The following CNTN2 variants were observed in gnomAD, a reference collection of about 807,000 sequenced individuals.
CNTN2 encodes contactin 2.
In CNTN2, 53 loss-of-function variants were observed where a neutral mutation model predicts 117.5. The observed-to-expected ratio is 0.45, with a 90% CI of 0.36 to 0.57. CNTN2 has a LOEUF of 0.57. CNTN2 is among the 20% of genes least tolerant of loss of function. The pLI is 0.00. For synonymous variants in CNTN2, 530 were observed against 561.7 expected (o/e 0.94, Z 0.80); for missense variants, 1,106 against 1,404.3 (o/e 0.79, Z 3.39).
In CNTN2 at chr1:205,065,170, G is replaced by A. The variant is rs959574033; in HGVS notation, c.1603G>A (p.Asp535Asn). ...NLTLQCHASH[D>N]PTMDLTFTWT... Reference sequence around the variant, plus strand: ...GACCCTACAGTGCCATGCCTCCCACGACCCCACCATGGACCTCACCTTCAC... The same window carrying A: ...GACCCTACAGTGCCATGCCTCCCACAACCCCACCATGGACCTCACCTTCAC... The change falls in exon 13 of 23, where the codon GAC (aspartate) becomes AAC (asparagine). Residue 535 changes from aspartate (D) to asparagine (N), a missense_variant. Coordinates refer to ENST00000331830, the MANE Select transcript of CNTN2 (RefSeq NM_005076.5). This position sits in a 1 kb window ranked among gnomAD's most constrained non-coding sequence, Gnocchi z 4.1. 5.0e-6 allele frequency: 8 copies of A among 1,613,940 alleles called. No individual in the cohort carries two copies. The highest frequency in any genetic ancestry group is 6.8e-6 in the Non-Finnish European group (8 of 1,180,012).
rs769248636 is a variant in CNTN2, at chr1:205,069,997, C to T, written c.2367C>T (p.Arg789=). Residue 789 remains arginine, a synonymous_variant, in exon 18 of 23, where the codon CGC becomes CGT. Transcript: ENST00000331830. ...RPYTPFEVKI[R]SYNRRGDGPE... is the part of the protein sequence containing the mutation. ...ACACGCCCTTTGAGGTCAAGATCCG[C>T]AGCTACAACCGCCGCGGGGATGGGC... 2 of 1,613,592 alleles carry T rather than the reference C, an allele frequency of 1.2e-6. No homozygotes were observed. Among genetic ancestry groups the T allele is most frequent in the Non-Finnish European group, 1.7e-6 (2 of 1,180,028 alleles).
chr1:205,065,192 T>C lies in CNTN2; in HGVS notation c.1625T>C (p.Phe542Ser), dbSNP rs1654213547. 1 of 1,614,078 alleles carries C rather than the reference T, an allele frequency of 6.2e-7. No individual in the cohort carries two copies. Among genetic ancestry groups the C allele is most frequent in the Non-Finnish European group, 8.5e-7 (1 of 1,179,998 alleles). The change falls in exon 13 of 23, where the codon TTC becomes TCC. Residue 542 changes from phenylalanine (F) to serine (S), a missense_variant. By Grantham distance (155) the Phe-to-Ser change is radical. Transcript: ENST00000331830. The surrounding 1 kb of genome is among the most constrained non-coding windows in gnomAD (Gnocchi z 4.1). ...ASHDPTMDLT[F>S]TWTLDDFPID... ...CACGACCCCACCATGGACCTCACCT[T>C]CACCTGGACCCTGGACGACTTCCCC...
rs772918166 is a variant in CNTN2, at chr1:205,070,012, C to T, written c.2382C>T (p.Arg794=). The T allele has an allele frequency of 1.1e-5, 18 of 1,613,846 alleles. No individual in the cohort carries two copies. The highest frequency in any genetic ancestry group is 1.4e-5 in the Non-Finnish European group (16 of 1,180,038). The part of the protein sequence containing the change: ...FEVKIRSYNR[R]GDGPESLTAL... The stretch of plus-strand genomic sequence containing the variant: ...TCAAGATCCGCAGCTACAACCGCCG[C>T]GGGGATGGGCCCGAGAGCCTCACTG... Residue 794 remains arginine (R), a synonymous_variant, in exon 18 of 23, where the codon CGC becomes CGT. Coordinates refer to ENST00000331830, the MANE Select transcript of CNTN2 (RefSeq NM_005076.5).
chr1:205,053,977 G>C (rs1454867620), intron 2 of CNTN2, among the ~76,000 whole-genome samples: 1 of 152,204 alleles, frequency 6.6e-6, no homozygotes, highest in Admixed American at 6.5e-5. Context: ...GGTGAAGAGG[G>C]CAGGCCGAGA....
At position 205,058,302 on chromosome 1, in the gene CNTN2, G is replaced by A. The variant is rs1032446046; in HGVS notation, c.337G>A (p.Ala113Thr). ...AQDAGVYQCL[A>T]SNPVGTVVSR... ...GGATGCCGGGGTCTACCAGTGCCTG[G>A]CCTCCAACCCAGTGGGCACCGTTGT... Residue 113 changes from alanine to threonine, a missense_variant, in exon 4 of 23, where the codon GCC becomes ACC. Ala to Thr is a moderately conservative substitution (Grantham distance 58, BLOSUM62 0). Transcript: ENST00000331830. This position sits in a 1 kb window ranked among gnomAD's most constrained non-coding sequence, Gnocchi z 4.3. 3 of 1,529,084 alleles carry A rather than the reference G, an allele frequency of 2.0e-6. No individual in the cohort carries two copies. The highest frequency in any genetic ancestry group is 2.6e-6 in the Non-Finnish European group (3 of 1,137,274). 94.7% of individuals were successfully genotyped at this position (1,529,084 alleles called of 1,614,324 possible). A position where few individuals can be genotyped will look rare whatever the true frequency, so the allele number is the denominator to read the frequency against.
chr1:205,058,794 C>T lies in CNTN2; in HGVS notation c.487+131C>T, dbSNP rs1466184226. On this transcript the variant is annotated intron_variant, in intron 5 of 22. Coordinates refer to ENST00000331830, the MANE Select transcript of CNTN2 (RefSeq NM_005076.5). The surrounding 1 kb of genome is among the most constrained non-coding windows in gnomAD (Gnocchi z 4.3). ...GAAGCACCCATCCCTGGGACCCTAA[C>T]TTTAAATGATCTGTGTTTCCTTTAT... is the stretch of plus-strand genomic sequence containing the variant. 4.2e-6 allele frequency: 3 copies of T among 708,942 alleles called. No homozygotes were observed. The highest frequency in any genetic ancestry group is 1.8e-5 in the African/African-American group (1 of 55,750). 43.9% of individuals were successfully genotyped at this position (708,942 alleles called of 1,614,324 possible). A position where few individuals can be genotyped will look rare whatever the true frequency, so the allele number is the denominator to read the frequency against.
At position 205,062,373 on chromosome 1, in the gene CNTN2, T is replaced by G. The variant is rs1197320665; in HGVS notation, c.1111-67T>G. ...CTAGAGTCTCCACTGCTCCCACCCC[T>G]GCCAACCCCTCCTCCCTGTGGCTCC... is the stretch of plus-strand genomic sequence containing the variant. On this transcript the variant is annotated intron_variant, in intron 9 of 22. Coordinates refer to ENST00000331830, the MANE Select transcript of CNTN2 (RefSeq NM_005076.5). 1.9e-6 allele frequency: 3 copies of G among 1,549,658 alleles called. No individual in the cohort carries two copies. The East Asian group carries it at 6.8e-5, about 35-fold the overall frequency.
At chr1:205,054,659 G>A (rs967907251) in intron 2 of CNTN2, among the ~76,000 whole-genome samples, 1 of 152,210 alleles carries the variant, frequency 6.6e-6, no homozygotes, top group East Asian at 1.9e-4. Flanking sequence ...CAAGGGGCTG[G>A]GATCTGGTCT....
rs369127731 is a variant in CNTN2 at position 205,064,396 on chromosome 1, C to G, written c.1315C>G (p.Pro439Ala). 4.5e-5 allele frequency: 72 copies of G among 1,612,310 alleles called. No individual in the cohort carries two copies. Among genetic ancestry groups the G allele is most frequent in the Non-Finnish European group, 5.6e-5 (66 of 1,178,632 alleles). The change falls in exon 11 of 23, where the codon CCC (proline) becomes GCC (alanine). Residue 439 changes from proline to alanine, a missense_variant. Physicochemically the swap from Pro to Ala is conservative, Grantham distance 27. Transcript: ENST00000331830. Reference sequence around the variant, plus strand: ...GGCCCGCGGGGGAGAGATCCTTATCCCCTGCCAGCCCCGGGCAGCTCCAAA... The same window carrying G: ...GGCCCGCGGGGGAGAGATCCTTATCGCCTGCCAGCCCCGGGCAGCTCCAAA... ...PAARGGEILI[P>A]CQPRAAPKAV...
intron 1 of CNTN2, among the ~76,000 whole-genome samples, chr1:205,047,985 G>A (rs976388856): frequency 4.7e-4 from 71 of 152,318 alleles, no homozygotes; most frequent in South Asian, 4.1e-4. Flanking sequence ...TAGCTAGACA[G>A]CAGCAGGCAG....
rs553636404 is a variant in CNTN2, at chr1:205,065,260, G to A, written c.1693G>A (p.Val565Met). The A allele has an allele frequency of 2.5e-6, 4 of 1,614,082 alleles. No homozygotes were observed. The African/African-American group carries it at 4.0e-5, about 16-fold the overall frequency. ...KPGGHYRRTN[V>M]KETIGDLTIL... ...TGGAGGGCACTACCGGAGAACTAATGTGGTGAGACCTAGGGCCAGAGCCCC... is the reference window on the plus strand; with the variant it reads ...TGGAGGGCACTACCGGAGAACTAATATGGTGAGACCTAGGGCCAGAGCCCC... Residue 565 changes from valine (V) to methionine (M), a missense_variant and splice_region_variant, in exon 13 of 23, where the codon GTG (valine) becomes ATG (methionine). By Grantham distance (21) the Val-to-Met change is conservative (BLOSUM62 1). Coordinates refer to ENST00000331830, the MANE Select transcript of CNTN2 (RefSeq NM_005076.5). The surrounding 1 kb of genome is among the most constrained non-coding windows in gnomAD (Gnocchi z 4.1).
rs1466679838 is a variant in CNTN2, at chr1:205,076,457, A to G, written c.*2692A>G. ...TCTGATTTTCGTGTTCTCTGCCCAGATGGGCTGGGGGAGTTGAGAGTGTGC... is the reference window on the plus strand; with the variant it reads ...TCTGATTTTCGTGTTCTCTGCCCAGGTGGGCTGGGGGAGTTGAGAGTGTGC... On this transcript the variant is annotated 3_prime_UTR_variant, in exon 23 of 23. Transcript: ENST00000331830. 6.6e-6 allele frequency: 1 copy of G among 152,150 alleles called. No individual in the cohort carries two copies. Among genetic ancestry groups the G allele is most frequent in the East Asian group, 1.9e-4 (1 of 5,176 alleles). 9.4% of individuals were successfully genotyped at this position (152,150 alleles called of 1,614,324 possible).
intron 20 of CNTN2, 36 bp from the exon 21 acceptor site, chr1:205,072,447 C>T (rs765834519): frequency 8.3e-6 from 13 of 1,573,500 alleles, no homozygotes; most frequent in Admixed American, 5.0e-5. Context: ...GCCAGGGAAA[C>T]GTTTGGACAT....
Position 205,076,903 on chromosome 1 carries a change from CTTTT to C in CNTN2, c.*3140_*3143del, listed in dbSNP as rs1254495551. The C allele has an allele frequency of 6.6e-6, 1 of 152,162 alleles. No homozygotes were observed. The highest frequency in any genetic ancestry group is 1.5e-5 in the Non-Finnish European group (1 of 68,062). 9.4% of individuals were successfully genotyped at this position (152,162 alleles called of 1,614,324 possible). On this transcript the variant is annotated 3_prime_UTR_variant, in exon 23 of 23. Coordinates refer to ENST00000331830, the MANE Select transcript of CNTN2 (RefSeq NM_005076.5). ...AGGCCATGGGGGTAGGTGGGGGTGT[CTTTT>C]TCTTTTCATAAAGTAACAACAGACG... is the stretch of plus-strand genomic sequence containing the variant.
rs562595782 is a variant in CNTN2 at position 205,070,235 on chromosome 1, C to CG, written c.2431+178dup. 3.0e-4 allele frequency: 222 copies of CG among 751,878 alleles called. 2 individuals are homozygous for CG. In the East Asian group the frequency reaches 5.7e-3, roughly 19 times the overall value. 46.6% of individuals were successfully genotyped at this position (751,878 alleles called of 1,614,324 possible). A position where few individuals can be genotyped will look rare whatever the true frequency, so the allele number is the denominator to read the frequency against. ...CAGCTCTTGCTACCTTGTCTCCCTT[C>CG]GGGGTTAGGAAAAGGGAGGCTCTCT... On this transcript the variant is annotated intron_variant, in intron 18 of 22. Coordinates refer to ENST00000331830, the MANE Select transcript of CNTN2 (RefSeq NM_005076.5).
At position 205,043,252 on chromosome 1, in the gene CNTN2, C is replaced by A; in HGVS notation, c.-229C>A. ...CACCCGCCACCGCCGCCGCGGCCGCCGCCGCACCCGGACAGCGAGCGGCTG... is the reference window on the plus strand; with the variant it reads ...CACCCGCCACCGCCGCCGCGGCCGCAGCCGCACCCGGACAGCGAGCGGCTG... On this transcript the variant is annotated 5_prime_UTR_variant, in exon 1 of 23. Coordinates refer to ENST00000331830, the MANE Select transcript of CNTN2 (RefSeq NM_005076.5). The A allele has an allele frequency of 6.5e-6, 1 of 153,008 alleles. No individual in the cohort carries two copies. The highest frequency in any genetic ancestry group is 1.9e-4 in the South Asian group (1 of 5,258). 9.5% of individuals were successfully genotyped at this position (153,008 alleles called of 1,614,324 possible). A position where few individuals can be genotyped will look rare whatever the true frequency, so the allele number is the denominator to read the frequency against.
intron 19 of CNTN2, 67 bp downstream of exon 19, chr1:205,070,605 T>C: frequency 9.3e-7 from 1 of 1,079,208 alleles, no homozygotes. Flanking sequence ...TGGGAACAAC[T>C]CACAGACCAC....
intron 15 of CNTN2, among the ~76,000 whole-genome samples, chr1:205,066,862 G>A (rs552445702): frequency 6.6e-6 from 1 of 152,306 alleles, no homozygotes; most frequent in Admixed American, 6.5e-5. Flanking sequence ...TGTTACTGGA[G>A]CAATGAAAAT....
At chr1:205,063,909 A>AG (rs1360825408) in intron 10 of CNTN2, among the ~76,000 whole-genome samples, 4 of 151,174 alleles carry the variant, frequency 2.6e-5, no homozygotes, top group South Asian at 4.2e-4. Flanking sequence ...AGAGAGAGAG[A>AG]AAAAAAAAGG....
Sources: gnomAD v4.1 joint callset for allele counts (sites outside exome capture counted in the v4.1 genomes callset) on GRCh38, gnomAD v4.1.1 for gene constraint, Gnocchi (gnomAD v3.1) non-coding constraint, MANE v1.5 for transcripts, NCBI Gene and HGNC (gene_info 2026-07-23, HGNC 2026-07-21) for gene names.